RABGEF1: variants seen among roughly 807,000 people sequenced by gnomAD.
RABGEF1 encodes rab5 GDP/GTP exchange factor.
RABGEF1 carries 26 observed loss-of-function variants against 57.3 expected under a neutral mutation model. That is an observed-to-expected ratio of 0.45 (90% CI 0.33 to 0.63). RABGEF1 has a LOEUF of 0.63. RABGEF1 is among the 20% of genes least tolerant of loss of function. The probability of loss-of-function intolerance (pLI) is 0.02; values close to 1 mark genes in which losing one functional copy is unlikely to be tolerated. For missense variants in RABGEF1, 464 were observed against 607.6 expected, an observed-to-expected ratio of 0.76 and a Z score of 2.48; for synonymous variants, 185 against 210.7, an observed-to-expected ratio of 0.88 and a Z score of 1.06.
rs528749441 is a variant in RABGEF1 at position 66,811,255 on chromosome 7, T to C, written c.*1971T>C. The C allele has an allele frequency of 6.6e-6, 1 of 152,326 alleles. No individual in the cohort carries two copies. The highest frequency in any genetic ancestry group is 1.9e-4 in the East Asian group (1 of 5,186). 9.4% of individuals were successfully genotyped at this position (152,326 alleles called of 1,614,324 possible). On this transcript the variant is annotated 3_prime_UTR_variant, in exon 9 of 9. Transcript: ENST00000284957. ...TATTGAGTTGATTTTTTTGGAGGTA[T>C]CTCATATTGGTCGAATTCTTCTGGT...
At chr7:66,698,041 C>T (rs1262697980) in intron 1 of RABGEF1, among the ~76,000 whole-genome samples, 2 of 152,104 alleles carry the variant, frequency 1.3e-5, no homozygotes, top group Non-Finnish European at 1.5e-5. Flanking sequence ...AGTCAGCAGC[C>T]TCCAGCCACT....
intron 1 of RABGEF1, among the ~76,000 whole-genome samples, chr7:66,747,818 A>G (rs1209651071): frequency 6.6e-6 from 1 of 152,218 alleles, no homozygotes; most frequent in Non-Finnish European, 1.5e-5. Flanking sequence ...TTTCAGTGGA[A>G]CATATCATTT....
chr7:66,664,003 G>A, the RABGEF1 span, among the ~76,000 whole-genome samples: 1 of 151,892 alleles, frequency 6.6e-6, no homozygotes, highest in East Asian at 1.9e-4. Flanking sequence ...GAACCCGGGA[G>A]GTGGAGGTTG....
At chr7:66,753,351 G>A (rs531854154) in intron 1 of RABGEF1, among the ~76,000 whole-genome samples, 2 of 152,172 alleles carry the variant, frequency 1.3e-5, no homozygotes, top group Admixed American at 6.5e-5. Context: ...AGAGTTCGAT[G>A]TAAATTTGTG....
upstream of RABGEF1, among the ~76,000 whole-genome samples, chr7:66,737,448 G>T (rs1798131586): frequency 6.6e-6 from 1 of 151,704 alleles, no homozygotes. Flanking sequence ...TGGGTAGGGG[G>T]GGGCAGTCTA....
At chr7:66,711,406 T>A (rs976445793) in intron 1 of RABGEF1, among the ~76,000 whole-genome samples, 1 of 118,750 alleles carries the variant, frequency 8.4e-6, no homozygotes, top group African/African-American at 3.3e-5. Context: ...TTTGTGCTAA[T>A]TTTTTTTTTT....
At chr7:66,762,735 G>T (rs1443471299) in intron 1 of RABGEF1, among the ~76,000 whole-genome samples, 1 of 152,050 alleles carries the variant, frequency 6.6e-6, no homozygotes, top group East Asian at 1.9e-4. Flanking sequence ...TCCCCCAAAA[G>T]AATAATAATA....
upstream of RABGEF1, among the ~76,000 whole-genome samples, chr7:66,681,430 G>C (rs1023666712): frequency 7.1e-6 from 1 of 140,792 alleles, no homozygotes; most frequent in African/African-American, 2.7e-5. Context: ...ACAGGGTCTC[G>C]CTCTGCTCTG....
intron 1 of RABGEF1, among the ~76,000 whole-genome samples, chr7:66,761,528 C>T (rs969234106): frequency 1.3e-5 from 2 of 152,200 alleles, no homozygotes; most frequent in South Asian, 2.1e-4. Flanking sequence ...GGGTGCACAC[C>T]CTCCAGGAAC....
chr7:66,668,345 C>T, the RABGEF1 span, among the ~76,000 whole-genome samples: 2 of 152,322 alleles, frequency 1.3e-5, no homozygotes, highest in Admixed American at 6.5e-5. Flanking sequence ...CATCCTTCTA[C>T]CTCAGCCTCC....
intron 1 of RABGEF1, among the ~76,000 whole-genome samples, chr7:66,709,632 C>A (rs565027772): frequency 6.6e-6 from 1 of 151,968 alleles, no homozygotes; most frequent in Non-Finnish European, 1.5e-5. Flanking sequence ...ACTAAAAATA[C>A]GAAATTAGCC....
chr7:66,734,195 C>G lies in RABGEF1; in HGVS notation c.-814-5801C>G, dbSNP rs190701964. 1.9e-4 allele frequency among the ~76,000 whole-genome samples: 29 copies of G among 152,252 alleles called. No homozygotes were observed. The East Asian group carries it at 5.4e-3, about 28-fold the overall frequency. ...GGCAGGACAGCCATGCCCCAAACCACAGAGTCCGGGGGCAGCTGATGGGAC... is the reference window on the plus strand; with the variant it reads ...GGCAGGACAGCCATGCCCCAAACCAGAGAGTCCGGGGGCAGCTGATGGGAC... On this transcript the variant is annotated intron_variant and NMD_transcript_variant, in intron 2 of 9. Transcript: ENST00000607882.
intron 1 of RABGEF1, among the ~76,000 whole-genome samples, chr7:66,750,361 A>G (rs1801136681): frequency 6.6e-6 from 1 of 152,234 alleles, no homozygotes; most frequent in Admixed American, 6.5e-5. Flanking sequence ...ATGTTTTATG[A>G]CAGAGACAGT....
chr7:66,770,325 T>C (rs1806787156), intron 1 of RABGEF1: 1 of 152,220 alleles, frequency 6.6e-6, no homozygotes, highest in African/African-American at 2.4e-5. Context: ...TTTGGCAGTT[T>C]GTTTATATGG....
chr7:66,681,850 G>A (rs1044965089), upstream of RABGEF1, among the ~76,000 whole-genome samples: 1 of 152,212 alleles, frequency 6.6e-6, no homozygotes, highest in Non-Finnish European at 1.5e-5. Context: ...CGCGGTGCCG[G>A]CGTCGCCCTC....
chr7:66,789,465 A>AGGG (rs1466122579), intron 4 of RABGEF1, among the ~76,000 whole-genome samples: 2 of 152,076 alleles, frequency 1.3e-5, no homozygotes. Flanking sequence ...GGCGGATCAC[A>AGGG]AGGTCAGGAG....
the RABGEF1 span, among the ~76,000 whole-genome samples, chr7:66,666,584 G>T: frequency 6.6e-6 from 1 of 152,202 alleles, no homozygotes. Context: ...CTCGTTTCTT[G>T]CCTCCTTCTG....
chr7:66,693,838 C>T (rs1377838952), intron 1 of RABGEF1, among the ~76,000 whole-genome samples: 3 of 149,164 alleles, frequency 2.0e-5, no homozygotes, highest in Non-Finnish European at 4.4e-5. Context: ...GACAGGGTCT[C>T]ACTCTGTCAC....
rs759428930 is a variant in RABGEF1, at chr7:66,799,348, A to C, written c.754A>C (p.Met252Leu). ...IRALRWVTPQ[M>L]LCVPVNEDIP... ...AGCCCTGCGCTGGGTTACGCCTCAG[A>C]TGCTGTGTGTCCCTGTTAATGAAGA... Residue 252 changes from methionine to leucine, a missense_variant, in exon 7 of 9, where the codon ATG becomes CTG. Physicochemically the swap from Met to Leu is conservative, Grantham distance 15. Around this residue, in one of 4 missense-constraint regions of RABGEF1, gnomAD observed 284 missense variants for 389.9 expected, o/e 0.73. Transcript: ENST00000284957. 2.5e-6 allele frequency: 4 copies of C among 1,611,274 alleles called. No homozygotes were observed. Among genetic ancestry groups the C allele is most frequent in the Non-Finnish European group, 2.5e-6 (3 of 1,177,420 alleles).
Sources: allele counts gnomAD v4.1 joint callset (sites outside exome capture counted in the v4.1 genomes callset), GRCh38; gene constraint gnomAD v4.1.1; regional missense constraint gnomAD v4.1.1; transcripts MANE v1.5; gene names NCBI Gene and HGNC (gene_info 2026-07-23, HGNC 2026-07-21).